PLXDC1: variants seen among roughly 807,000 people sequenced by gnomAD.
PLXDC1 encodes plexin domain-containing protein 1.
A neutral mutation model predicts 61.3 loss-of-function variants in PLXDC1; 39 were observed. That is an observed-to-expected ratio of 0.64 (90% CI 0.49 to 0.83). The LOEUF is 0.83. Ranked by LOEUF, PLXDC1 falls within the 40% of genes least tolerant of loss-of-function variation. The pLI is 0.00. For missense variants in PLXDC1, 596 were observed against 666.5 expected, an observed-to-expected ratio of 0.89 and a Z score of 1.17; for synonymous variants, 212 against 254.5, an observed-to-expected ratio of 0.83 and a Z score of 1.59.
chr17:39,133,051 C>T (rs764387863), intron 2 of PLXDC1, among the ~76,000 whole-genome samples: 10 of 152,110 alleles, frequency 6.6e-5, no homozygotes, highest in Non-Finnish European at 1.0e-4. Context: ...CACCCTCTGC[C>T]GCCAACCCAT....
At chr17:39,149,160 T>C (rs1421300939) in intron 1 of PLXDC1, among the ~76,000 whole-genome samples, 1 of 152,062 alleles carries the variant, frequency 6.6e-6, no homozygotes, top group African/African-American at 2.4e-5. Flanking sequence ...GTTCTAATGA[T>C]AGATGAGGTT....
chr17:39,108,827 G>A (rs1910689712), intron 4 of PLXDC1, 77 bp downstream of exon 4: 13 of 932,024 alleles, frequency 1.4e-5, no homozygotes, highest in Non-Finnish European at 2.3e-5. Flanking sequence ...TGTCTCCAGT[G>A]AGCCACCCCT....
At chr17:39,142,102 C>A (rs952109337) in intron 1 of PLXDC1, among the ~76,000 whole-genome samples, 2 of 152,156 alleles carry the variant, frequency 1.3e-5, no homozygotes, top group Admixed American at 1.3e-4. Context: ...CACTAAATGC[C>A]AGTAGCACCA....
At chr17:39,147,178 G>A (rs1026963796) in intron 1 of PLXDC1, among the ~76,000 whole-genome samples, 22 of 151,964 alleles carry the variant, frequency 1.4e-4, no homozygotes, top group African/African-American at 4.8e-4. Context: ...GGCTGGTCTC[G>A]AACTCCTGAC....
At chr17:39,122,397 A>C (rs1911192570) in intron 2 of PLXDC1, among the ~76,000 whole-genome samples, 1 of 150,640 alleles carries the variant, frequency 6.6e-6, no homozygotes, top group African/African-American at 2.4e-5. Context: ...AAAAAAAAAA[A>C]AAAAAAAGAC....
At chr17:39,141,623 C>T (rs921099247) in intron 1 of PLXDC1, among the ~76,000 whole-genome samples, 4 of 152,200 alleles carry the variant, frequency 2.6e-5, no homozygotes. Context: ...TCTTTGAGAC[C>T]TGGCCTTCAA....
rs758805868 is a variant in PLXDC1 at position 39,106,651 on chromosome 17, TC to T, written c.712-699del. Among the ~76,000 whole-genome samples, 222 of 124,376 alleles carry T rather than the reference TC, an allele frequency of 1.8e-3. 20 individuals are homozygous for T. Among genetic ancestry groups the T allele is most frequent in the Admixed American group, 3.0e-3 (39 of 13,138 alleles). The allele number at this position is 124,376 out of a possible 152,430, so 81.6% of individuals were successfully genotyped here. Reference sequence around the variant, plus strand: ...TTCTTTTTTCTTTTTTCTTTTTCTTTCTTTTTTTTTTTTTTTGAGACAGATT... The same window carrying T: ...TTCTTTTTTCTTTTTTCTTTTTCTTTTTTTTTTTTTTTTTTGAGACAGATT... On this transcript the variant is annotated intron_variant, in intron 6 of 13. Transcript: ENST00000315392.
chr17:39,123,882 C>A (rs1911239889), intron 2 of PLXDC1, among the ~76,000 whole-genome samples: 1 of 152,176 alleles, frequency 6.6e-6, no homozygotes, highest in East Asian at 1.9e-4. Flanking sequence ...GGCAAGCAAC[C>A]AAGGACGTCC....
intron 2 of PLXDC1, chr17:39,111,867 A>G (rs1462196177): frequency 1.3e-5 from 2 of 152,380 alleles, no homozygotes; most frequent in African/African-American, 2.4e-5. Context: ...TCGGGAGGGT[A>G]CCCAGAGGGG....
At chr17:39,128,044 GCTCT>G (rs36178620) in intron 2 of PLXDC1, among the ~76,000 whole-genome samples, 16 of 95,578 alleles carry the variant, frequency 1.7e-4, no homozygotes, top group South Asian at 6.9e-4. Flanking sequence ...CACTAGGACA[GCTCT>G]CTCTCTCTCT....
intron 12 of PLXDC1, 109 bp from the exon 13 acceptor site, chr17:39,070,125 T>C: frequency 1.4e-6 from 1 of 729,806 alleles, no homozygotes; most frequent in South Asian, 2.0e-5. Flanking sequence ...GACAGAGCCT[T>C]TGGGTCCACT....
At chr17:39,083,842 TC>T (rs1286977022) in intron 8 of PLXDC1, among the ~76,000 whole-genome samples, 1 of 152,070 alleles carries the variant, frequency 6.6e-6, no homozygotes, top group Non-Finnish European at 1.5e-5. Flanking sequence ...CATCTCTTCC[TC>T]CCTCCCTACC....
chr17:39,134,404 T>C (rs1223842610), intron 2 of PLXDC1, among the ~76,000 whole-genome samples: 1 of 151,504 alleles, frequency 6.6e-6, no homozygotes, highest in Admixed American at 6.6e-5. Context: ...AGCGGGTGGA[T>C]TGCCTGAGCT....
chr17:39,112,307 C>T (rs1910833002), intron 2 of PLXDC1: 1 of 152,206 alleles, frequency 6.6e-6, no homozygotes, highest in Non-Finnish European at 1.5e-5. Flanking sequence ...TCACCTGGGA[C>T]CACCTGCCAC....
chr17:39,089,743 C>T (rs780514157), intron 7 of PLXDC1, among the ~76,000 whole-genome samples: 2 of 152,164 alleles, frequency 1.3e-5, no homozygotes, highest in African/African-American at 4.8e-5. Flanking sequence ...ACCCCCACAT[C>T]CCCTCCTATG....
At chr17:39,072,538 T>G (rs1909164691) in intron 11 of PLXDC1, 53 bp from the exon 12 acceptor site, 1 of 1,132,984 alleles carries the variant, frequency 8.8e-7, no homozygotes, top group Non-Finnish European at 1.3e-6. Context: ...TTACAGCCTT[T>G]GTCACTCTGA....
chr17:39,120,393 T>C (rs11651723), intron 2 of PLXDC1, among the ~76,000 whole-genome samples: 79,217 of 151,794 alleles, frequency 0.52, 21,355 homozygotes, highest in East Asian at 0.72. Flanking sequence ...GGATTACAGG[T>C]GTGAGCCACT....
chr17:39,084,618 G>A (rs1297405756), intron 8 of PLXDC1, among the ~76,000 whole-genome samples: 1 of 152,170 alleles, frequency 6.6e-6, no homozygotes, highest in Non-Finnish European at 1.5e-5. Flanking sequence ...AGAGGGGAAC[G>A]GCCCAGACGT....
intron 2 of PLXDC1, among the ~76,000 whole-genome samples, chr17:39,136,938 A>G (rs1232855906): frequency 6.6e-6 from 1 of 152,258 alleles, no homozygotes; most frequent in East Asian, 1.9e-4. Flanking sequence ...GATCACTTCC[A>G]GAAATGGACA....
Sources: allele counts gnomAD v4.1 joint callset (sites outside exome capture counted in the v4.1 genomes callset), GRCh38; gene constraint gnomAD v4.1.1; transcripts MANE v1.5; gene names NCBI Gene and HGNC (gene_info 2026-07-23, HGNC 2026-07-21).